The following SPECC1 variants were observed in gnomAD, a reference collection of about 807,000 sequenced individuals.
SPECC1 encodes cytospin-B.
SPECC1 carries 62 observed loss-of-function variants against 104.1 expected under a neutral mutation model. The ratio of observed to expected loss-of-function variants is 0.60; its 90% CI spans 0.49 to 0.74. SPECC1 has a LOEUF of 0.74. SPECC1 is among the 30% of genes least tolerant of loss of function. The pLI, the probability that SPECC1 is intolerant of heterozygous loss-of-function variation, is 0.00. For synonymous variants in SPECC1, 513 were observed against 501.6 expected, an observed-to-expected ratio of 1.02 and a Z score of -0.30; for missense variants, 1,306 against 1,310.5, an observed-to-expected ratio of 1.00 and a Z score of 0.05.
chr17:20,255,933 A>G (rs1026395812), intron 10 of SPECC1, among the ~76,000 whole-genome samples: 4 of 151,398 alleles, frequency 2.6e-5, no homozygotes, highest in Admixed American at 6.6e-5. Context: ...GCTGGAGTGC[A>G]GTGGCGTGAG....
intron 9 of SPECC1, among the ~76,000 whole-genome samples, chr17:20,253,038 TCA>T (rs1029880268): frequency 6.7e-6 from 1 of 149,088 alleles, no homozygotes; most frequent in Non-Finnish European, 1.5e-5. Context: ...TTGTTCTTTT[TCA>T]GTTTTTTTTT....
In SPECC1 at chr17:20,036,945, G is replaced by A. The variant is rs566635805; in HGVS notation, c.-22+27521G>A. On this transcript the variant is annotated intron_variant, in intron 1 of 14. Coordinates refer to ENST00000395527, the MANE Select transcript of SPECC1 (RefSeq NM_001243439.2). Reference sequence around the variant, plus strand: ...AAGTATAGGTTAGCTGTAAGCTTTTGTAGTCTTTTGTAAGCTTTATCAAGT... The same window carrying A: ...AAGTATAGGTTAGCTGTAAGCTTTTATAGTCTTTTGTAAGCTTTATCAAGT... Among the ~76,000 whole-genome samples, 3 of 152,258 alleles carry A rather than the reference G, an allele frequency of 2.0e-5. No individual in the cohort carries two copies. The South Asian group carries it at 6.2e-4, about 32-fold the overall frequency.
Position 20,232,334 on chromosome 17 carries a change from T to C in SPECC1, c.2280T>C (p.Asn760=). Residue 760 remains asparagine (N), a synonymous_variant, in exon 7 of 15, where the codon AAT becomes AAC. Coordinates refer to ENST00000395527, the MANE Select transcript of SPECC1 (RefSeq NM_001243439.2). ...KRKLLEEEEK[N]ARLQKELGDV... ...AACTGCTGGAGGAGGAGGAGAAGAA[T>C]GCCCGGTTGCAGAAGGAGCTGGGGG... is the stretch of plus-strand genomic sequence containing the variant. 1.2e-6 allele frequency: 2 copies of C among 1,613,928 alleles called. No individual in the cohort carries two copies. The highest frequency in any genetic ancestry group is 1.7e-6 in the Non-Finnish European group (2 of 1,179,954).
intron 1 of SPECC1, chr17:20,087,011 G>A (rs377598317): frequency 2.6e-4 from 40 of 152,330 alleles, no homozygotes; most frequent in African/African-American, 8.9e-4. Context: ...GGGCCCCTAA[G>A]TTAGGAACAA....
chr17:20,219,345 C>G (rs200153048), intron 4 of SPECC1, among the ~76,000 whole-genome samples: 1 of 152,136 alleles, frequency 6.6e-6, no homozygotes, highest in Non-Finnish European at 1.5e-5. Flanking sequence ...AAAGTCATGA[C>G]TTTTGGATAA....
At chr17:20,275,655 C>G (rs1378909700) in intron 12 of SPECC1, among the ~76,000 whole-genome samples, 1 of 152,196 alleles carries the variant, frequency 6.6e-6, no homozygotes. Flanking sequence ...TTTCCTGGAA[C>G]TGATGCTCTT....
intron 1 of SPECC1, among the ~76,000 whole-genome samples, chr17:20,066,854 T>G (rs1444504510): frequency 1.3e-5 from 2 of 151,562 alleles, no homozygotes; most frequent in Non-Finnish European, 2.9e-5. Context: ...TTCTCCCATC[T>G]CAGCCTCCCA....
intron 3 of SPECC1, among the ~76,000 whole-genome samples, chr17:20,134,052 TATA>T (rs1471220247): frequency 4.6e-5 from 7 of 151,540 alleles, no homozygotes; most frequent in Admixed American, 1.3e-4. Flanking sequence ...TATTACTTCA[TATA>T]ATGTTTATAT....
intron 13 of SPECC1, among the ~76,000 whole-genome samples, chr17:20,300,811 C>G (rs953481925): frequency 2.6e-5 from 4 of 152,222 alleles, no homozygotes; most frequent in African/African-American, 9.6e-5. Context: ...AATCACCCGA[C>G]CACCAGGGAG....
chr17:20,240,439 A>G (rs984197743), intron 7 of SPECC1, among the ~76,000 whole-genome samples: 1 of 151,796 alleles, frequency 6.6e-6, no homozygotes, highest in South Asian at 2.1e-4. Flanking sequence ...AAAATTTTAT[A>G]TTTTTATGTA....
intron 1 of SPECC1, among the ~76,000 whole-genome samples, chr17:20,026,342 T>C (rs553973686): frequency 6.6e-6 from 1 of 152,244 alleles, no homozygotes; most frequent in East Asian, 1.9e-4. Context: ...ACATCCAAAA[T>C]CTCTTCTAGC....
intron 3 of SPECC1, among the ~76,000 whole-genome samples, chr17:20,158,047 G>A (rs1177048889): frequency 6.6e-6 from 1 of 152,194 alleles, no homozygotes; most frequent in Non-Finnish European, 1.5e-5. Flanking sequence ...GTGATGAAAT[G>A]CTGTAGAGTT....
intron 12 of SPECC1, among the ~76,000 whole-genome samples, chr17:20,281,457 G>A (rs2040769158): frequency 6.6e-6 from 1 of 152,144 alleles, no homozygotes; most frequent in Admixed American, 6.5e-5. Context: ...ACCATGGTAG[G>A]ACCATGCTTC....
chr17:20,303,241 A>C (rs1390099932), intron 13 of SPECC1, among the ~76,000 whole-genome samples: 1 of 152,232 alleles, frequency 6.6e-6, no homozygotes, highest in Non-Finnish European at 1.5e-5. Flanking sequence ...AATAGCACCA[A>C]AATAGGAGAT....
chr17:20,205,145 A>C lies in SPECC1; in HGVS notation c.1096A>C (p.Ser366Arg). ...TGCTGGGAGTTCCCCAAACAGCGTAAGTGAATTGTCCCTGGCTTCCCTCAC... is the reference window on the plus strand; with the variant it reads ...TGCTGGGAGTTCCCCAAACAGCGTACGTGAATTGTCCCTGGCTTCCCTCAC... ...STAGSSPNSV[S>R]ELSLASLTEK... Residue 366 changes from serine to arginine, a missense_variant, in exon 4 of 15, where the codon AGT becomes CGT. Transcript: ENST00000395527. The C allele has an allele frequency of 1.2e-6, 2 of 1,614,180 alleles. No homozygotes were observed. Among genetic ancestry groups the C allele is most frequent in the Non-Finnish European group, 1.7e-6 (2 of 1,180,028 alleles).
intron 4 of SPECC1, 113 bp from the exon 5 acceptor site, chr17:20,227,300 A>G (rs530459301): frequency 2.3e-4 from 191 of 830,932 alleles, no homozygotes; most frequent in Non-Finnish European, 3.4e-4. Flanking sequence ...GTTCATGTTC[A>G]GGTTTGTTAC....
intron 1 of SPECC1, among the ~76,000 whole-genome samples, chr17:20,092,418 T>A (rs1451844476): frequency 1.3e-5 from 2 of 152,104 alleles, no homozygotes; most frequent in Non-Finnish European, 2.9e-5. Context: ...TTCCCACCTG[T>A]GTTTATCTTT....
At chr17:20,026,605 G>T (rs2044609162) in intron 1 of SPECC1, among the ~76,000 whole-genome samples, 1 of 152,140 alleles carries the variant, frequency 6.6e-6, no homozygotes, top group South Asian at 2.1e-4. Flanking sequence ...TTGCTGGGAT[G>T]ACAGGATTTC....
chr17:20,145,984 C>G (rs1338079291), intron 3 of SPECC1, among the ~76,000 whole-genome samples: 1 of 152,184 alleles, frequency 6.6e-6, no homozygotes, highest in African/African-American at 2.4e-5. Context: ...TATATACCCC[C>G]TCACCATCAC....
Sources: gnomAD v4.1 joint callset for allele counts (sites outside exome capture counted in the v4.1 genomes callset) on GRCh38, gnomAD v4.1.1 for gene constraint, MANE v1.5 for transcripts, NCBI Gene and HGNC (gene_info 2026-07-23, HGNC 2026-07-21) for gene names.